The following FABP3 variants were observed in gnomAD, a reference collection of about 807,000 sequenced individuals.
The protein encoded by FABP3 is fatty acid-binding protein, heart.
FABP3 carries 8 observed loss-of-function variants against 13.4 expected under a neutral mutation model. That is an observed-to-expected ratio of 0.60 (90% CI 0.35 to 1.07). FABP3 has a LOEUF of 1.07. Ranked by LOEUF, FABP3 falls within the 50% of genes least tolerant of loss-of-function variation. FABP3 has a pLI of 0.02. For synonymous variants in FABP3, 64 were observed against 60.0 expected (o/e 1.07, Z -0.31); for missense variants, 135 against 164.7 (o/e 0.82, Z 0.99).
chr1:31,365,904 A>G lies in FABP3; in HGVS notation c.384T>C (p.Thr128=). ...LTHGTAVCTR[T]YEKEA Reference sequence around the variant, plus strand: ...AGTCAGGTCATGCCTCTTTCTCATAAGTGCGAGTGCAAACTGCAGTGCCGT... The same window carrying G: ...AGTCAGGTCATGCCTCTTTCTCATAGGTGCGAGTGCAAACTGCAGTGCCGT... Residue 128 remains threonine (T), a synonymous_variant, in exon 4 of 4, where the codon ACT becomes ACC. Transcript: ENST00000373713. 2 of 1,614,086 alleles carry G rather than the reference A, an allele frequency of 1.2e-6. No homozygotes were observed. Among genetic ancestry groups the G allele is most frequent in the East Asian group, 4.5e-5 (2 of 44,870 alleles).
At position 31,369,396 on chromosome 1, in the gene FABP3, T is replaced by C; in HGVS notation, c.235A>G (p.Arg79Gly). The change falls in exon 2 of 4, where the codon AGG becomes GGG. Residue 79 changes from arginine to glycine, a missense_variant. By Grantham distance (125) the Arg-to-Gly change is moderately radical (BLOSUM62 -2). Coordinates refer to ENST00000373713, the MANE Select transcript of FABP3 (RefSeq NM_004102.5). ...TTTCCCTGACTTACCTTGACCTTCC[T>C]GTCATCTGCTGTTGTCTCATCGAAC... ...VEFDETTADD[R>G]KVKSIVTLDG... 6.2e-7 allele frequency: 1 copy of C among 1,614,164 alleles called. No individual in the cohort carries two copies. The highest frequency in any genetic ancestry group is 8.5e-7 in the Non-Finnish European group (1 of 1,180,006).
intron 1 of FABP3, 73 bp downstream of exon 1, chr1:31,372,869 G>A (rs1640232393): frequency 2.2e-6 from 3 of 1,395,296 alleles, no homozygotes; most frequent in Non-Finnish European, 3.0e-6. Flanking sequence ...GATGCGGCAG[G>A]AGTGCTGCGT....
chr1:31,363,309 G>A (rs995675615), downstream of FABP3, among the ~76,000 whole-genome samples: 3 of 150,864 alleles, frequency 2.0e-5, no homozygotes, highest in East Asian at 2.0e-4. Flanking sequence ...TCAGCCTCCC[G>A]AGTAGCTGGG....
chr1:31,364,270 A>G (rs1248322007), downstream of FABP3: 6 of 1,510,606 alleles, frequency 4.0e-6, no homozygotes, highest in South Asian at 1.3e-5. Context: ...GAAAGACTCA[A>G]TAGTGAGAAT....
At chr1:31,361,223 T>C (rs58221420), downstream of FABP3, among the ~76,000 whole-genome samples, 730 of 152,338 alleles carry the variant, frequency 4.8e-3, 10 homozygotes, top group African/African-American at 0.016. Flanking sequence ...TGTTGCCTTC[T>C]CTCTACTCCA....
At chr1:31,370,205 T>C (rs1008475283) in intron 1 of FABP3, among the ~76,000 whole-genome samples, 12 of 152,152 alleles carry the variant, frequency 7.9e-5, no homozygotes, top group Non-Finnish European at 2.9e-5. Flanking sequence ...TGAAGACTGT[T>C]TCCACGTTAC....
the FABP3 span, among the ~76,000 whole-genome samples, chr1:31,360,189 G>A: frequency 6.7e-6 from 1 of 150,094 alleles, no homozygotes; most frequent in African/African-American, 2.5e-5. Flanking sequence ...TTTGTTTTGA[G>A]ACAGAGTTTC....
In FABP3 at chr1:31,369,466, G is replaced by C; in HGVS notation, c.165C>G (p.His55Gln). Residue 55 changes from histidine (H) to glutamine (Q), a missense_variant, in exon 2 of 4, where the codon CAC becomes CAG. By Grantham distance (24) the His-to-Gln change is conservative. Transcript: ENST00000373713. ...TGATCTCTGTGTTCTTGAAGGTGCT[G>C]TGTGTTTTTAGGGTGAGAATGTCCC... The part of the protein sequence containing the change: ...KNGDILTLKT[H>Q]STFKNTEISF... The C allele has an allele frequency of 6.2e-7, 1 of 1,614,182 alleles. No homozygotes were observed. The highest frequency in any genetic ancestry group is 8.5e-7 in the Non-Finnish European group (1 of 1,180,040).
chr1:31,364,003 A>G, downstream of FABP3: 1 of 1,607,448 alleles, frequency 6.2e-7, no homozygotes, highest in Non-Finnish European at 8.5e-7. Context: ...ATACACATAC[A>G]GTGTTGATTT....
downstream of FABP3, chr1:31,364,477 A>G (rs570998195): frequency 6.8e-5 from 29 of 429,422 alleles, no homozygotes; most frequent in South Asian, 3.5e-4. Context: ...AGGAGGTCCT[A>G]TTACCCTCTC....
At chr1:31,363,811 A>G (rs1296613798), downstream of FABP3, among the ~76,000 whole-genome samples, 2 of 152,088 alleles carry the variant, frequency 1.3e-5, no homozygotes, top group African/African-American at 4.8e-5. Flanking sequence ...TCCCCTATTG[A>G]TTGTGTGCTA....
chr1:31,372,894 C>T, intron 1 of FABP3, 48 bp downstream of exon 1: 2 of 1,558,990 alleles, frequency 1.3e-6, no homozygotes, highest in South Asian at 1.1e-5. Context: ...CTAGGCACGC[C>T]ACCAGCCAGT....
At chr1:31,368,233 G>A (rs1640145727) in intron 2 of FABP3, among the ~76,000 whole-genome samples, 1 of 152,216 alleles carries the variant, frequency 6.6e-6, no homozygotes, top group African/African-American at 2.4e-5. Flanking sequence ...GGTTCAGTAG[G>A]AGAATCTGAG....
chr1:31,361,756 C>G (rs948172152), downstream of FABP3, among the ~76,000 whole-genome samples: 4 of 151,988 alleles, frequency 2.6e-5, no homozygotes, highest in Non-Finnish European at 4.4e-5. Flanking sequence ...AACTTGTCAC[C>G]ATAGGTGTTT....
downstream of FABP3, among the ~76,000 whole-genome samples, chr1:31,363,020 C>T (rs1639976133): frequency 6.6e-6 from 1 of 151,980 alleles, no homozygotes. Context: ...GTAACATACA[C>T]AGTTTATATC....
chr1:31,360,780 G>T (rs1348631797), downstream of FABP3, among the ~76,000 whole-genome samples: 1 of 152,126 alleles, frequency 6.6e-6, no homozygotes, highest in Non-Finnish European at 1.5e-5. Context: ...TGGTTTTGCC[G>T]CTTTAGCCTT....
chr1:31,371,416 T>C (rs1640206167), intron 1 of FABP3, among the ~76,000 whole-genome samples: 1 of 152,152 alleles, frequency 6.6e-6, no homozygotes, highest in South Asian at 2.1e-4. Flanking sequence ...ACTAAGAATA[T>C]TGAGCTGACA....
At chr1:31,361,038 C>A (rs1639869275), downstream of FABP3, among the ~76,000 whole-genome samples, 1 of 152,160 alleles carries the variant, frequency 6.6e-6, no homozygotes, top group Non-Finnish European at 1.5e-5. Context: ...AGGATATTCA[C>A]CTATATAAGG....
chr1:31,361,300 G>T (rs928020129), downstream of FABP3, among the ~76,000 whole-genome samples: 2 of 152,186 alleles, frequency 1.3e-5, no homozygotes, highest in African/African-American at 4.8e-5. Context: ...TCCTGTAGAT[G>T]CTTGGCCAGG....
Sources: allele counts gnomAD v4.1 joint callset (sites outside exome capture counted in the v4.1 genomes callset), GRCh38; gene constraint gnomAD v4.1.1; transcripts MANE v1.5; gene names NCBI Gene and HGNC (gene_info 2026-07-23, HGNC 2026-07-21).